Variants in CPLANE1 observed in about 807,000 individuals in gnomAD.
CPLANE1 encodes the protein ciliogenesis and planar polarity effector 1.
CPLANE1 carries 263 observed loss-of-function variants against 362.5 expected under a neutral mutation model. The ratio of observed to expected loss-of-function variants is 0.73; its 90% CI spans 0.66 to 0.80. CPLANE1 has a LOEUF of 0.80. Ranked by LOEUF, CPLANE1 falls within the 30% of genes least tolerant of loss-of-function variation. CPLANE1 has a pLI of 0.00. For synonymous variants in CPLANE1, 1,212 were observed against 1,302.6 expected, an observed-to-expected ratio of 0.93 and a Z score of 1.50; for missense variants, 3,461 against 3,793.4, an observed-to-expected ratio of 0.91 and a Z score of 2.30.
chr5:37,145,912 A>G (rs1353592496), intron 43 of CPLANE1, among the ~76,000 whole-genome samples: 1 of 152,232 alleles, frequency 6.6e-6, no homozygotes, highest in Non-Finnish European at 1.5e-5. Flanking sequence ...GGACACAAAT[A>G]CAACATAATC....
At chr5:37,129,044 G>C (rs1765040306) in intron 46 of CPLANE1, among the ~76,000 whole-genome samples, 2 of 152,148 alleles carry the variant, frequency 1.3e-5, no homozygotes, top group East Asian at 1.9e-4. Context: ...GCATGGTACT[G>C]GTATAAAAAT....
intron 47 of CPLANE1, among the ~76,000 whole-genome samples, chr5:37,123,800 A>G (rs1486388028): frequency 6.6e-6 from 1 of 152,180 alleles, no homozygotes; most frequent in African/African-American, 2.4e-5. Flanking sequence ...TGCTGGGATT[A>G]CAGACATGAG....
At chr5:37,227,461 A>G in intron 10 of CPLANE1, 69 bp from the exon 11 acceptor site, 1 of 1,482,848 alleles carries the variant, frequency 6.7e-7, no homozygotes, top group Non-Finnish European at 9.0e-7. Context: ...AAGCAATTAA[A>G]AATTCTATAG....
In CPLANE1 at chr5:37,226,767, G is replaced by A. The variant is rs1200574734; in HGVS notation, c.1828C>T (p.Gln610Ter). The A allele has an allele frequency of 3.9e-6, 6 of 1,541,998 alleles. No individual in the cohort carries two copies. The highest frequency in any genetic ancestry group is 1.4e-5 in the African/African-American group (1 of 72,432). The change falls in exon 12 of 53, where the codon CAA (glutamine) becomes TAA (stop). Residue 610 changes from glutamine to a stop codon, truncating the protein, a stop_gained. Coordinates refer to ENST00000651892, the MANE Select transcript of CPLANE1 (RefSeq NM_001384732.1). LOFTEE classifies it high-confidence loss of function. ...TTAGGAAAAGGACATTTTATAAATT[G>A]AAGAATGTAAAAAAAATGAGTGATA... ...VCITHFFYILQFIKCPFPKLD... is the reference protein window; with the variant it reads ...VCITHFFYIL
chr5:37,230,651 C>G (rs1797539248), intron 9 of CPLANE1, among the ~76,000 whole-genome samples: 1 of 151,900 alleles, frequency 6.6e-6, no homozygotes, highest in Non-Finnish European at 1.5e-5. Flanking sequence ...ATTTAAATAA[C>G]TTATACTTAC....
At position 37,244,199 on chromosome 5, in the gene CPLANE1, A is replaced by G. The variant is rs529019358; in HGVS notation, c.570+176T>C. On this transcript the variant is annotated intron_variant, in intron 5 of 52. Transcript: ENST00000651892. ...GGATAGAGAAAAGGAGTTCTAAGTT[A>G]AAACTAATTTTAATAAACACTTTTT... Among the ~76,000 whole-genome samples, 7 of 152,326 alleles carry G rather than the reference A, an allele frequency of 4.6e-5. No homozygotes were observed. The South Asian group carries it at 1.5e-3, about 32-fold the overall frequency.
At chr5:37,159,160 G>A (rs1776125430) in intron 38 of CPLANE1, among the ~76,000 whole-genome samples, 1 of 132,100 alleles carries the variant, frequency 7.6e-6, no homozygotes. Context: ...GCCGGACTGC[G>A]GACTGCAGTG....
rs1581041228 is a variant in CPLANE1, at chr5:37,243,083, A to G, written c.607T>C (p.Tyr203His). 6.5e-7 allele frequency: 1 copy of G among 1,548,084 alleles called. No individual in the cohort carries two copies. The highest frequency in any genetic ancestry group is 1.2e-5 in the South Asian group (1 of 83,308). ...GTTAACTTCAGGCATTCCCCAGAAT[A>G]AAAAGTAAATGAACACAGGCAGCAG... ...GDCCLCSFTF[Y>H]SGECLKLTFL... Residue 203 changes from tyrosine to histidine, a missense_variant, in exon 6 of 53, where the codon TAT becomes CAT. Tyr to His is a moderately conservative substitution (Grantham distance 83). This residue lies in a region of CPLANE1 where 3,380 missense variants were observed against 3,666.1 expected (regional missense o/e 0.92). Coordinates refer to ENST00000651892, the MANE Select transcript of CPLANE1 (RefSeq NM_001384732.1).
At chr5:37,101,546 G>T (rs1286863708), downstream of CPLANE1, among the ~76,000 whole-genome samples, 1 of 152,184 alleles carries the variant, frequency 6.6e-6, no homozygotes, top group Non-Finnish European at 1.5e-5. Context: ...GTTCATCAGG[G>T]ATATTGGCCT....
chr5:37,213,196 G>A (rs931156808), intron 16 of CPLANE1, among the ~76,000 whole-genome samples: 12 of 152,052 alleles, frequency 7.9e-5, no homozygotes, highest in East Asian at 3.8e-4. Context: ...CAACAAGAGC[G>A]AAACTCAGTC....
At chr5:37,112,483 C>A (rs79769079) in intron 51 of CPLANE1, among the ~76,000 whole-genome samples, 1,805 of 152,310 alleles carry the variant, frequency 0.012, 33 homozygotes, top group African/African-American at 0.041. Flanking sequence ...TGAAAGCTTT[C>A]TGAAGTGAAA....
chr5:37,144,046 T>C (rs998244573), intron 43 of CPLANE1, among the ~76,000 whole-genome samples: 2 of 151,602 alleles, frequency 1.3e-5, no homozygotes, highest in Middle Eastern at 3.2e-3. Flanking sequence ...CTTCAAAATA[T>C]TATGGGTGAA....
chr5:37,218,455 T>TCCAAACTTCATACCATGCACCTTTTCC (rs1794646094), intron 15 of CPLANE1, among the ~76,000 whole-genome samples: 1 of 152,178 alleles, frequency 6.6e-6, no homozygotes, highest in Non-Finnish European at 1.5e-5. Flanking sequence ...CCTGGTTTTC[T>TCCAAACTTCATACCATGCACCTTTTCC]CCAAACTTCA....
In CPLANE1 at chr5:37,170,356, G is replaced by A. The variant is rs749064133; in HGVS notation, c.6172-25C>T. On this transcript the variant is annotated intron_variant, in intron 32 of 52. Coordinates refer to ENST00000651892, the MANE Select transcript of CPLANE1 (RefSeq NM_001384732.1). ...GCTTGAATAAAACAAAAATTGAAGCGATATCTTAAAATATAACAAAAAGAA... is the reference window on the plus strand; with the variant it reads ...GCTTGAATAAAACAAAAATTGAAGCAATATCTTAAAATATAACAAAAAGAA... The A allele has an allele frequency of 4.0e-5, 63 of 1,585,960 alleles. 1 individual carries two copies. In the South Asian group the frequency reaches 4.1e-4, roughly 10 times the overall value.
chr5:37,080,341 G>A, the CPLANE1 span, among the ~76,000 whole-genome samples: 1 of 152,190 alleles, frequency 6.6e-6, no homozygotes, highest in Non-Finnish European at 1.5e-5. Flanking sequence ...CTCCCACTGA[G>A]CTGAGCGGGG....
chr5:37,162,266 A>G lies in CPLANE1; in HGVS notation c.7690+199T>C, dbSNP rs141889273. Among the ~76,000 whole-genome samples the G allele has an allele frequency of 3.6e-3, 548 of 152,346 alleles. 2 individuals are homozygous for G. The highest frequency in any genetic ancestry group is 0.012 in the African/African-American group (516 of 41,584). ...ATGTAGTCTATGGCAATTTTGAAGAAAAGTGTCTATTATGTTTTACTTAAG... is the reference window on the plus strand; with the variant it reads ...ATGTAGTCTATGGCAATTTTGAAGAGAAGTGTCTATTATGTTTTACTTAAG... On this transcript the variant is annotated intron_variant, in intron 38 of 52. Transcript: ENST00000651892.
intron 30 of CPLANE1, chr5:37,176,204 C>T (rs1182447234): frequency 2.4e-5 from 10 of 408,950 alleles, no homozygotes; most frequent in Non-Finnish European, 4.3e-5. Context: ...TAAAACACCA[C>T]TTAAATACGG....
At chr5:37,181,030 T>C in intron 26 of CPLANE1, 25 bp from the exon 27 acceptor site, 1 of 1,592,668 alleles carries the variant, frequency 6.3e-7, no homozygotes, top group Non-Finnish European at 8.6e-7. Context: ...TTAAAGTATT[T>C]AGTATTTATT....
At chr5:37,196,240 A>G (rs1286214680) in intron 20 of CPLANE1, among the ~76,000 whole-genome samples, 1 of 152,126 alleles carries the variant, frequency 6.6e-6, no homozygotes, top group African/African-American at 2.4e-5. Flanking sequence ...TGCCTGTATA[A>G]GAAGAATTTA....
Sources: allele counts gnomAD v4.1 joint callset (sites outside exome capture counted in the v4.1 genomes callset), GRCh38; gene constraint gnomAD v4.1.1; regional missense constraint gnomAD v4.1.1; transcripts MANE v1.5; gene names NCBI Gene and HGNC (gene_info 2026-07-23, HGNC 2026-07-21).